VWF: variants seen among roughly 807,000 people sequenced by gnomAD.
VWF encodes Factor VIII related antigen.
VWF carries 176 observed loss-of-function variants against 308.6 expected under a neutral mutation model. The ratio of observed to expected loss-of-function variants is 0.57; its 90% confidence interval spans 0.50 to 0.65. VWF has a LOEUF of 0.65. VWF is among the 30% of genes least tolerant of loss of function. VWF has a pLI of 0.00. For missense variants in VWF, 3,146 were observed against 3,648.2 expected, an observed-to-expected ratio of 0.86 and a Z score of 3.55; for synonymous variants, 1,385 against 1,443.4, an observed-to-expected ratio of 0.96 and a Z score of 0.92.
chr12:6,027,881 C>T (rs943468733), intron 22 of VWF, among the ~76,000 whole-genome samples: 4 of 151,692 alleles, frequency 2.6e-5, no homozygotes, highest in Admixed American at 1.3e-4. Context: ...CACACACACA[C>T]ACCCCTAAAC....
At chr12:6,038,111 CA>C (rs1944357862) in intron 18 of VWF, among the ~76,000 whole-genome samples, 1 of 152,088 alleles carries the variant, frequency 6.6e-6, no homozygotes, top group African/African-American at 2.4e-5. Flanking sequence ...CTTAAGCACC[CA>C]GTAGGGAAGA....
chr12:5,980,946 A>G (rs1943598392), intron 42 of VWF, among the ~76,000 whole-genome samples: 1 of 152,212 alleles, frequency 6.6e-6, no homozygotes, highest in Non-Finnish European at 1.5e-5. Context: ...TAAATCTTTA[A>G]TGATAGCTAA....
chr12:6,046,898 C>T lies in VWF; in HGVS notation c.2187-81G>A. 1.5e-6 allele frequency: 2 copies of T among 1,303,044 alleles called. No homozygotes were observed. Among genetic ancestry groups the T allele is most frequent in the Non-Finnish European group, 2.2e-6 (2 of 920,286 alleles). The allele number at this position is 1,303,044 out of a possible 1,614,324, so 80.7% of individuals were successfully genotyped here. A position where few individuals can be genotyped will look rare whatever the true frequency, so the allele number is the denominator to read the frequency against. ...TCCACATCTTCACCTCCCACTCACT[C>T]TCTGCCCCTTCCAACCAGGTCCCAG... is the stretch of plus-strand genomic sequence containing the variant. On this transcript the variant is annotated intron_variant, in intron 16 of 51. Coordinates refer to ENST00000261405, the MANE Select transcript of VWF (RefSeq NM_000552.5). The surrounding 1 kb of genome is among the most constrained non-coding windows in gnomAD (Gnocchi z 5.0).
chr12:5,976,863 G>C (rs549424845), intron 42 of VWF, among the ~76,000 whole-genome samples: 1 of 152,170 alleles, frequency 6.6e-6, no homozygotes, highest in African/African-American at 2.4e-5. Context: ...GGGAAACGTG[G>C]AAAGTCTGGG....
intron 5 of VWF, among the ~76,000 whole-genome samples, 195 bp downstream of exon 5, chr12:6,110,179 G>A (rs562997551): frequency 6.6e-6 from 1 of 152,270 alleles, no homozygotes; most frequent in East Asian, 1.9e-4. Flanking sequence ...TCAGCTTTGA[G>A]GAGCTCTAAG....
intron 8 of VWF, among the ~76,000 whole-genome samples, 162 bp downstream of exon 8, chr12:6,073,457 C>G (rs548682268): frequency 1.3e-5 from 2 of 152,168 alleles, no homozygotes; most frequent in Admixed American, 1.3e-4. Context: ...AAATAAAGAC[C>G]AGCTCAATCC....
intron 5 of VWF, among the ~76,000 whole-genome samples, chr12:6,107,471 C>T (rs1164455612): frequency 6.6e-6 from 1 of 152,130 alleles, no homozygotes; most frequent in African/African-American, 2.4e-5. Context: ...GTGGTGCTTC[C>T]ATGACACACA....
At chr12:6,034,879 C>T (rs981258430) in intron 19 of VWF, 53 bp from the exon 20 acceptor site, 9 of 1,606,284 alleles carry the variant, frequency 5.6e-6, no homozygotes, top group Middle Eastern at 1.7e-4. Context: ...GTTTGAGGGG[C>T]CCATCTGGGC....
intron 19 of VWF, among the ~76,000 whole-genome samples, chr12:6,035,963 C>T (rs1944332236): frequency 6.6e-6 from 1 of 152,176 alleles, no homozygotes; most frequent in Admixed American, 6.5e-5. Flanking sequence ...ATACTAAATA[C>T]ACATTAAATA....
chr12:5,965,375 C>T (rs536120931), intron 47 of VWF, among the ~76,000 whole-genome samples: 1 of 152,286 alleles, frequency 6.6e-6, no homozygotes, highest in South Asian at 2.1e-4. Flanking sequence ...TTTCTCACCC[C>T]GGCTTCTGGC....
intron 34 of VWF, among the ~76,000 whole-genome samples, chr12:5,998,906 T>C (rs1943841783): frequency 6.6e-6 from 1 of 152,112 alleles, no homozygotes; most frequent in African/African-American, 2.4e-5. Flanking sequence ...CTTTTGTATT[T>C]TTAGTGGAGA....
chr12:6,011,977 G>C, intron 33 of VWF, 110 bp downstream of exon 33: 1 of 1,436,370 alleles, frequency 7.0e-7, no homozygotes, highest in East Asian at 2.3e-5. Flanking sequence ...CAAGATAATA[G>C]TAAAAGGAAG....
chr12:6,109,497 A>T (rs1945280667), intron 5 of VWF, among the ~76,000 whole-genome samples: 1 of 152,158 alleles, frequency 6.6e-6, no homozygotes, highest in African/African-American at 2.4e-5. Context: ...AGGAAGAGTC[A>T]ATTGTTTCTC....
At chr12:5,958,196 G>A (rs767170912) in intron 47 of VWF, among the ~76,000 whole-genome samples, 8 of 152,128 alleles carry the variant, frequency 5.3e-5, no homozygotes, top group Non-Finnish European at 1.0e-4. Flanking sequence ...CAGATAAAAT[G>A]AATAACAGAA....
At chr12:5,953,960 C>G in intron 47 of VWF, 1 of 253,222 alleles carries the variant, frequency 3.9e-6, no homozygotes, top group Admixed American at 4.9e-5. Context: ...CTGGTATTCC[C>G]TATTTTGGTA....
chr12:5,984,778 T>C (rs1943658794), intron 40 of VWF, among the ~76,000 whole-genome samples: 1 of 152,258 alleles, frequency 6.6e-6, no homozygotes, highest in African/African-American at 2.4e-5. Flanking sequence ...TTCTTCAGTA[T>C]ATCTCCATAG....
At chr12:6,104,687 ACT>A (rs940729543) in intron 5 of VWF, among the ~76,000 whole-genome samples, 13 of 151,052 alleles carry the variant, frequency 8.6e-5, no homozygotes, top group African/African-American at 2.9e-4. Context: ...ACAGAGTGAG[ACT>A]CTGTCTCGGA....
intron 10 of VWF, among the ~76,000 whole-genome samples, chr12:6,070,672 G>A (rs1408576959): frequency 1.3e-5 from 2 of 152,242 alleles, no homozygotes; most frequent in African/African-American, 4.8e-5. Flanking sequence ...GAGGTCATTG[G>A]AAGGTGGGGC....
intron 6 of VWF, among the ~76,000 whole-genome samples, chr12:6,076,521 C>T (rs1375451250): frequency 6.6e-6 from 1 of 151,728 alleles, no homozygotes; most frequent in East Asian, 1.9e-4. Context: ...TATATGATCC[C>T]CATGATTTCT....
Sources: allele counts gnomAD v4.1 joint callset (sites outside exome capture counted in the v4.1 genomes callset), GRCh38; gene constraint gnomAD v4.1.1; non-coding constraint Gnocchi (gnomAD v3.1); transcripts MANE v1.5; gene names NCBI Gene and HGNC (gene_info 2026-07-23, HGNC 2026-07-21).